Variants in DLC1 observed in about 807,000 individuals in gnomAD.
The protein encoded by DLC1 is DLC1 Rho GTPase activating protein.
DLC1 carries 54 observed loss-of-function variants against 140.3 expected under a neutral mutation model. That is an observed-to-expected ratio of 0.38 (90% CI 0.31 to 0.48). The LOEUF is 0.48. Ranked by LOEUF, DLC1 falls within the 20% of genes least tolerant of loss-of-function variation. The pLI is 0.96. For missense variants in DLC1, 2,536 were observed against 1,907.0 expected, an observed-to-expected ratio of 1.33 and a Z score of -6.14; for synonymous variants, 986 against 728.1, an observed-to-expected ratio of 1.35 and a Z score of -5.70.
At chr8:13,128,337 A>G (rs1354047620) in intron 5 of DLC1, among the ~76,000 whole-genome samples, 1 of 152,136 alleles carries the variant, frequency 6.6e-6, no homozygotes, top group East Asian at 1.9e-4. Context: ...CACTCCCCCA[A>G]ATGTTAAAGA....
At chr8:13,567,306 C>T in intron 1 of DLC1, 1 of 1,551,700 alleles carries the variant, frequency 6.4e-7, no homozygotes, top group Non-Finnish European at 8.7e-7. Flanking sequence ...AACCAGACAC[C>T]AAACTTCCAA....
chr8:13,477,191 G>T (rs1034363607), intron 2 of DLC1, among the ~76,000 whole-genome samples: 12 of 142,282 alleles, frequency 8.4e-5, no homozygotes, highest in African/African-American at 2.9e-4. Flanking sequence ...AGGGCCTCAG[G>T]TTTATTCTCA....
At chr8:13,122,642 A>T (rs1330660289) in intron 5 of DLC1, among the ~76,000 whole-genome samples, 1 of 152,176 alleles carries the variant, frequency 6.6e-6, no homozygotes, top group East Asian at 1.9e-4. Context: ...TCTATGTAAA[A>T]TAAATTCCTA....
intron 1 of DLC1, among the ~76,000 whole-genome samples, chr8:13,505,852 C>T (rs888737631): frequency 6.6e-6 from 1 of 152,096 alleles, no homozygotes; most frequent in Non-Finnish European, 1.5e-5. Context: ...AAAATGTTAT[C>T]TGAATAGAAG....
In DLC1 at chr8:13,354,876, G is replaced by A. The variant is rs571839026; in HGVS notation, c.1314+38677C>T. 6.0e-5 allele frequency among the ~76,000 whole-genome samples: 9 copies of A among 150,596 alleles called. No individual in the cohort carries two copies. In the South Asian group the frequency reaches 1.5e-3, roughly 25 times the overall value. On this transcript the variant is annotated intron_variant, in intron 4 of 17. Transcript: ENST00000276297. Reference sequence around the variant, plus strand: ...AGATGGGAGGATTGCTTGAGCCTGGGATACTGATATTGAGGCTGCAGCGGG... The same window carrying A: ...AGATGGGAGGATTGCTTGAGCCTGGAATACTGATATTGAGGCTGCAGCGGG...
At chr8:13,428,004 C>A (rs1476143041) in intron 2 of DLC1, among the ~76,000 whole-genome samples, 1 of 152,154 alleles carries the variant, frequency 6.6e-6, no homozygotes, top group African/African-American at 2.4e-5. Context: ...AGAGAGACAA[C>A]ATCCTCTGTG....
At chr8:13,195,511 A>T (rs530028066) in intron 5 of DLC1, among the ~76,000 whole-genome samples, 2 of 152,306 alleles carry the variant, frequency 1.3e-5, no homozygotes, top group East Asian at 3.9e-4. Context: ...AGTTGATGGA[A>T]ATGAGGATGC....
rs765473479 is a variant in DLC1 at position 13,499,864 on chromosome 8, G to A, written c.208C>T (p.Leu70=). The A allele has an allele frequency of 3.1e-6, 5 of 1,614,040 alleles. No individual in the cohort carries two copies. The highest frequency in any genetic ancestry group is 1.6e-4 in the Middle Eastern group (1 of 6,062). The change falls in exon 2 of 18, where the codon CTG becomes TTG. Residue 70 remains leucine (L), a synonymous_variant. Transcript: ENST00000276297. ...SLPDCCHGSE[L]RDFPGRPMGH... ...ATTGGCCTCCCAGGAAAATCTCTCA[G>A]CTCTGATCCATGACAGCAGTCAGGT...
intron 5 of DLC1, among the ~76,000 whole-genome samples, chr8:13,195,103 C>G (rs1045468597): frequency 7.2e-5 from 11 of 152,086 alleles, no homozygotes; most frequent in Non-Finnish European, 1.6e-4. Flanking sequence ...ATGGTTTTTC[C>G]CTTTGATTTG....
chr8:13,188,777 A>ATG lies in DLC1; in HGVS notation c.1349-73122_1349-73121dup, dbSNP rs201849073. ...AGGCATGTGCCACCATGCCCAGCTA[A>ATG]TGTGTGTGTGTGTGTGTGTGTGTGT... On this transcript the variant is annotated intron_variant, in intron 5 of 17. Transcript: ENST00000276297. Among the ~76,000 whole-genome samples, 305 of 108,792 alleles carry ATG rather than the reference A, an allele frequency of 2.8e-3. 2 individuals carry two copies. Among genetic ancestry groups the ATG allele is most frequent in the South Asian group, 3.6e-3 (12 of 3,366 alleles). 71.4% of individuals were successfully genotyped at this position (108,792 alleles called of 152,430 possible). A position where few individuals can be genotyped will look rare whatever the true frequency, so the allele number is the denominator to read the frequency against.
chr8:13,373,074 G>C (rs1287776423), intron 4 of DLC1, among the ~76,000 whole-genome samples: 2 of 151,920 alleles, frequency 1.3e-5, no homozygotes, highest in Non-Finnish European at 2.9e-5. Context: ...AGAGTGCCGT[G>C]GTGCGATCAC....
intron 2 of DLC1, among the ~76,000 whole-genome samples, chr8:13,429,940 G>A (rs972125110): frequency 5.9e-5 from 9 of 152,132 alleles, no homozygotes; most frequent in African/African-American, 2.2e-4. Context: ...ATATTTAAAT[G>A]CTATCTGATA....
chr8:13,405,941 C>CTTTCTT (rs1837521786), intron 2 of DLC1, among the ~76,000 whole-genome samples: 1 of 96,286 alleles, frequency 1.0e-5, no homozygotes, highest in Non-Finnish European at 2.1e-5. Context: ...TTCTTTCTTT[C>CTTTCTT]TTTCTTTCTT....
intron 2 of DLC1, among the ~76,000 whole-genome samples, chr8:13,425,940 G>A (rs1171622253): frequency 6.6e-6 from 1 of 152,080 alleles, no homozygotes; most frequent in African/African-American, 2.4e-5. Flanking sequence ...AGCCTCCTGA[G>A]TAGGTGGTAC....
chr8:13,243,183 G>A (rs538137600), intron 5 of DLC1, among the ~76,000 whole-genome samples: 3 of 151,008 alleles, frequency 2.0e-5, no homozygotes, highest in African/African-American at 4.9e-5. Context: ...CCAGCTACTC[G>A]GGAGACTGAG....
At chr8:13,138,492 T>C (rs981793957) in intron 5 of DLC1, among the ~76,000 whole-genome samples, 4 of 152,226 alleles carry the variant, frequency 2.6e-5, no homozygotes, top group Admixed American at 6.5e-5. Flanking sequence ...AATTGATTTC[T>C]CTCCCTGAGG....
chr8:13,259,308 T>C (rs559028620), intron 5 of DLC1, among the ~76,000 whole-genome samples: 8 of 152,250 alleles, frequency 5.3e-5, no homozygotes, highest in Admixed American at 1.3e-4. Context: ...TCCCACAGAC[T>C]ATCCAGTGCT....
chr8:13,403,788 T>C lies in DLC1; in HGVS notation c.1024-2169A>G, dbSNP rs543513828. On this transcript the variant is annotated intron_variant, in intron 2 of 17. Transcript: ENST00000276297. ...TCCCAAGTAGCTGGTACTATAGGCATGTACCACCAGGTCTGGCTGTTTTTT... is the reference window on the plus strand; with the variant it reads ...TCCCAAGTAGCTGGTACTATAGGCACGTACCACCAGGTCTGGCTGTTTTTT... Among the ~76,000 whole-genome samples the C allele has an allele frequency of 5.3e-5, 8 of 149,570 alleles. No individual in the cohort carries two copies. In the South Asian group the frequency reaches 1.7e-3, roughly 32 times the overall value.
At chr8:13,152,461 T>C (rs996026670) in intron 5 of DLC1, among the ~76,000 whole-genome samples, 1 of 152,238 alleles carries the variant, frequency 6.6e-6, no homozygotes, top group Non-Finnish European at 1.5e-5. Flanking sequence ...TTTAGTGGAT[T>C]ATGAATTATT....
Sources: allele counts gnomAD v4.1 joint callset (sites outside exome capture counted in the v4.1 genomes callset), GRCh38; gene constraint gnomAD v4.1.1; transcripts MANE v1.5; gene names NCBI Gene and HGNC (gene_info 2026-07-23, HGNC 2026-07-21).